Variants in ADCY10 observed in about 807,000 individuals in gnomAD.
ADCY10 encodes the protein adenylate cyclase type 10.
ADCY10 carries 156 observed loss-of-function variants against 183.3 expected under a neutral mutation model. That is an observed-to-expected ratio of 0.85 (90% CI 0.75 to 0.97). ADCY10 has a LOEUF of 0.97. ADCY10 is among the 50% of genes least tolerant of loss of function. ADCY10 has a pLI of 0.00. For missense variants in ADCY10, 1,745 were observed against 1,934.3 expected, an observed-to-expected ratio of 0.90 and a Z score of 1.84; for synonymous variants, 645 against 670.0, an observed-to-expected ratio of 0.96 and a Z score of 0.58.
chr1:167,905,546 T>C (rs1347118135), intron 1 of ADCY10, among the ~76,000 whole-genome samples: 1 of 152,108 alleles, frequency 6.6e-6, no homozygotes, highest in Non-Finnish European at 1.5e-5. Flanking sequence ...TCTTCTGTCC[T>C]CATGTTTCCT....
chr1:167,854,318 A>G, intron 18 of ADCY10, 35 bp downstream of exon 18: 1 of 1,614,026 alleles, frequency 6.2e-7, no homozygotes, highest in Non-Finnish European at 8.5e-7. Context: ...GTTAGGCAGA[A>G]CAGAGTAAGA....
chr1:167,829,574 C>A, intron 25 of ADCY10, 151 bp from the exon 26 acceptor site: 1 of 830,126 alleles, frequency 1.2e-6, no homozygotes, highest in Non-Finnish European at 2.0e-6. Context: ...CAAACAAGCA[C>A]ATTAATTTTT....
chr1:167,895,180 CAAA>C (rs369502605), intron 7 of ADCY10, among the ~76,000 whole-genome samples: 9 of 67,720 alleles, frequency 1.3e-4, no homozygotes, highest in East Asian at 3.9e-4. Context: ...GACTCCATCT[CAAA>C]AAAAAAAAAA....
At chr1:167,829,976 T>A (rs186479552) in intron 25 of ADCY10, among the ~76,000 whole-genome samples, 1 of 152,306 alleles carries the variant, frequency 6.6e-6, no homozygotes, top group East Asian at 1.9e-4. Context: ...AAACTCAGGA[T>A]CCCAATTCAC....
intron 1 of ADCY10, among the ~76,000 whole-genome samples, chr1:167,909,836 A>G (rs1238134932): frequency 6.6e-6 from 1 of 152,194 alleles, no homozygotes; most frequent in Non-Finnish European, 1.5e-5. Flanking sequence ...GTGAGGAGAC[A>G]GGCCATTTCT....
intron 8 of ADCY10, among the ~76,000 whole-genome samples, chr1:167,888,925 T>A (rs1334647976): frequency 3.3e-5 from 5 of 151,672 alleles, no homozygotes; most frequent in Non-Finnish European, 7.4e-5. Flanking sequence ...GATTTTTGTA[T>A]GATGATTTTG....
chr1:167,906,650 G>T (rs1348275589), intron 1 of ADCY10, among the ~76,000 whole-genome samples: 2 of 151,716 alleles, frequency 1.3e-5, no homozygotes, highest in African/African-American at 4.8e-5. Context: ...ATTGCTGGGT[G>T]TGGTGGCATG....
chr1:167,876,999 C>T (rs562465561), intron 12 of ADCY10, among the ~76,000 whole-genome samples: 256 of 152,080 alleles, frequency 1.7e-3, no homozygotes, highest in Admixed American at 2.7e-3. Flanking sequence ...ACCCCAGGCA[C>T]GTGAATAAGC....
chr1:167,823,245 T>G, intron 28 of ADCY10, 122 bp from the exon 29 acceptor site: 1 of 717,972 alleles, frequency 1.4e-6, no homozygotes, highest in East Asian at 3.1e-5. Context: ...GCCAACATGG[T>G]GAAACCCCAT....
chr1:167,818,532 G>A (rs1558144532), intron 30 of ADCY10: 7 of 522,870 alleles, frequency 1.3e-5, no homozygotes, highest in Non-Finnish European at 2.5e-5. Context: ...GAACTCTTTG[G>A]CTTTGGCTTT....
intron 30 of ADCY10, chr1:167,819,963 C>T: frequency 1.5e-6 from 2 of 1,296,588 alleles, no homozygotes; most frequent in Non-Finnish European, 2.2e-6. Context: ...GTGCTGTATT[C>T]TTCCATTGTT....
intron 14 of ADCY10, among the ~76,000 whole-genome samples, chr1:167,862,589 G>GT (rs1038430529): frequency 6.6e-6 from 1 of 152,182 alleles, no homozygotes; most frequent in African/African-American, 2.4e-5. Flanking sequence ...TCCATTTGTA[G>GT]TACTTTTTTA....
At chr1:167,900,968 G>T (rs1352281793) in intron 5 of ADCY10, among the ~76,000 whole-genome samples, 1 of 152,070 alleles carries the variant, frequency 6.6e-6, no homozygotes, top group Non-Finnish European at 1.5e-5. Context: ...TTAGTTAGGC[G>T]GAAGCTAACA....
chr1:167,840,365 C>CTTTTTT (rs79715982), intron 21 of ADCY10, among the ~76,000 whole-genome samples: 1 of 56,362 alleles, frequency 1.8e-5, no homozygotes, highest in East Asian at 3.4e-4. Flanking sequence ...ATTATTATTA[C>CTTTTTT]TATTTTTTTT....
chr1:167,869,137 C>T (rs931447795), intron 14 of ADCY10, among the ~76,000 whole-genome samples: 2 of 152,140 alleles, frequency 1.3e-5, no homozygotes, highest in Non-Finnish European at 2.9e-5. Context: ...GAGTGTAGCA[C>T]GGATTCGACC....
rs1206002134 is a variant in ADCY10 at position 167,900,302 on chromosome 1, CCT to C, written c.437-676_437-675del. Among the ~76,000 whole-genome samples the C allele has an allele frequency of 3.3e-5, 5 of 152,216 alleles. No individual in the cohort carries two copies. In the East Asian group the frequency reaches 7.7e-4, roughly 24 times the overall value. ...ACTGATTTGTCAGGGCTGACTCCCCCCTGATTCTACATACAGTTTGTTTTCTA... is the reference window on the plus strand; with the variant it reads ...ACTGATTTGTCAGGGCTGACTCCCCCGATTCTACATACAGTTTGTTTTCTA... On this transcript the variant is annotated intron_variant, in intron 5 of 32. Transcript: ENST00000367851.
chr1:167,879,578 A>G (rs1379711734), intron 11 of ADCY10, among the ~76,000 whole-genome samples: 1 of 152,172 alleles, frequency 6.6e-6, no homozygotes, highest in Admixed American at 6.5e-5. Context: ...CTTTTGAAGA[A>G]CATCTCAGAC....
intron 3 of ADCY10, 72 bp from the exon 4 acceptor site, chr1:167,902,126 A>C: frequency 1.4e-6 from 2 of 1,416,126 alleles, no homozygotes; most frequent in Non-Finnish European, 2.0e-6. Context: ...ATTCTTTCTT[A>C]GTGGAATAGA....
intron 10 of ADCY10, 34 bp downstream of exon 10, chr1:167,880,457 G>C (rs772684873): frequency 1.3e-6 from 2 of 1,498,708 alleles, no homozygotes; most frequent in Admixed American, 3.3e-5. Flanking sequence ...AAAAGGGTCA[G>C]GGACCGCTGG....
Sources: allele counts gnomAD v4.1 joint callset (sites outside exome capture counted in the v4.1 genomes callset), GRCh38; gene constraint gnomAD v4.1.1; transcripts MANE v1.5; gene names NCBI Gene and HGNC (gene_info 2026-07-23, HGNC 2026-07-21).